FILIP1L: variants seen among roughly 807,000 people sequenced by gnomAD.
The protein encoded by FILIP1L is filamin A interacting protein 1 like.
A neutral mutation model predicts 96.6 loss-of-function variants in FILIP1L; 55 were observed. That is an observed-to-expected ratio of 0.57 (90% CI 0.46 to 0.71). The LOEUF (loss-of-function observed/expected upper bound fraction) is 0.71. FILIP1L is among the 30% of genes least tolerant of loss of function. The pLI is 0.00. For missense variants in FILIP1L, 1,304 were observed against 1,321.2 expected (o/e 0.99, Z 0.20); for synonymous variants, 467 against 473.9 (o/e 0.99, Z 0.19).
At chr3:99,971,575 C>G (rs1188609620) in intron 1 of FILIP1L, among the ~76,000 whole-genome samples, 1 of 152,154 alleles carries the variant, frequency 6.6e-6, no homozygotes, top group Non-Finnish European at 1.5e-5. Flanking sequence ...CCAAAATTCC[C>G]ACTTCCTCCA....
intron 1 of FILIP1L, among the ~76,000 whole-genome samples, chr3:99,957,593 G>T (rs924191475): frequency 1.3e-5 from 2 of 151,398 alleles, no homozygotes; most frequent in Non-Finnish European, 2.9e-5. Context: ...TCACCCTCTG[G>T]GGCCTCCTAT....
intron 1 of FILIP1L, among the ~76,000 whole-genome samples, chr3:100,003,603 G>C (rs1339119883): frequency 6.6e-6 from 1 of 152,130 alleles, no homozygotes; most frequent in Non-Finnish European, 1.5e-5. Context: ...ACTAAGTACA[G>C]TGTTTTTTCC....
At chr3:99,943,924 G>C (rs187317358) in intron 1 of FILIP1L, among the ~76,000 whole-genome samples, 1 of 152,254 alleles carries the variant, frequency 6.6e-6, no homozygotes, top group East Asian at 1.9e-4. Flanking sequence ...GTTTTATAGG[G>C]TTATTGGGAG....
chr3:99,922,156 C>T (rs532305525), intron 4 of FILIP1L, among the ~76,000 whole-genome samples: 10 of 152,258 alleles, frequency 6.6e-5, no homozygotes, highest in African/African-American at 2.2e-4. Flanking sequence ...ACACTCTGAC[C>T]GTGATCAGTA....
At chr3:99,833,670 A>C (rs1942779248) in intron 5 of FILIP1L, among the ~76,000 whole-genome samples, 1 of 152,246 alleles carries the variant, frequency 6.6e-6, no homozygotes. Context: ...GTTGTGTAAG[A>C]AAGCAGTGTT....
chr3:100,021,948 TGTGTGTGTGTGTGA>T (rs1394858090), intron 1 of FILIP1L, among the ~76,000 whole-genome samples: 22 of 129,654 alleles, frequency 1.7e-4, no homozygotes, highest in East Asian at 6.8e-4. Context: ...TGTGTGTGTG[TGTGTGTGTGTGTGA>T]GAGAGAGAGA....
chr3:99,945,479 G>A (rs1707981734), intron 1 of FILIP1L, among the ~76,000 whole-genome samples: 1 of 152,216 alleles, frequency 6.6e-6, no homozygotes, highest in South Asian at 2.1e-4. Flanking sequence ...TGTTGACTAA[G>A]GAGGGTGGCT....
At chr3:99,954,684 A>G (rs1282907144) in intron 1 of FILIP1L, among the ~76,000 whole-genome samples, 3 of 151,920 alleles carry the variant, frequency 2.0e-5, no homozygotes, top group Admixed American at 1.3e-4. Flanking sequence ...AAATTAGCCA[A>G]GCATGGTGGT....
intron 1 of FILIP1L, among the ~76,000 whole-genome samples, chr3:100,112,485 G>A (rs572500233): frequency 1.3e-5 from 2 of 152,242 alleles, no homozygotes; most frequent in South Asian, 4.2e-4. Flanking sequence ...CTAAGACCAA[G>A]TCTTGACTAA....
intron 1 of FILIP1L, among the ~76,000 whole-genome samples, chr3:100,026,757 G>A (rs997614502): frequency 2.0e-4 from 31 of 152,140 alleles, no homozygotes; most frequent in Admixed American, 1.4e-3. Context: ...AACCACCACC[G>A]TCTCTCTCCA....
chr3:100,037,452 A>T (rs185293125), intron 1 of FILIP1L, among the ~76,000 whole-genome samples: 1 of 149,764 alleles, frequency 6.7e-6, no homozygotes, highest in Non-Finnish European at 1.5e-5. Flanking sequence ...AAGCAAACAG[A>T]CACACACACA....
chr3:100,046,487 G>C (rs1458115488), intron 1 of FILIP1L, among the ~76,000 whole-genome samples: 1 of 151,070 alleles, frequency 6.6e-6, no homozygotes, highest in Non-Finnish European at 1.5e-5. Context: ...TTTATCTCTA[G>C]AGCTTGTTGT....
chr3:99,996,269 C>A (rs1421608925), intron 1 of FILIP1L, among the ~76,000 whole-genome samples: 1 of 152,170 alleles, frequency 6.6e-6, no homozygotes, highest in Non-Finnish European at 1.5e-5. Context: ...AATCTCTTTG[C>A]TAAAACATAA....
chr3:99,975,964 A>C (rs1708957746), intron 1 of FILIP1L, among the ~76,000 whole-genome samples: 1 of 152,186 alleles, frequency 6.6e-6, no homozygotes, highest in African/African-American at 2.4e-5. Flanking sequence ...GGCTCACTGC[A>C]ACCTCCGCCT....
chr3:99,830,877 T>C (rs1307433110), intron 5 of FILIP1L, among the ~76,000 whole-genome samples: 1 of 152,198 alleles, frequency 6.6e-6, no homozygotes, highest in Admixed American at 6.5e-5. Context: ...TAGTAGGACA[T>C]ATACAAGAGT....
chr3:100,087,736 T>C (rs1200593983), intron 1 of FILIP1L, among the ~76,000 whole-genome samples: 1 of 152,066 alleles, frequency 6.6e-6, no homozygotes, highest in Non-Finnish European at 1.5e-5. Context: ...AGAAGACCAA[T>C]TGATCAGTGT....
intron 4 of FILIP1L, among the ~76,000 whole-genome samples, chr3:99,923,150 C>T (rs925680109): frequency 1.3e-5 from 2 of 151,764 alleles, no homozygotes; most frequent in Non-Finnish European, 2.9e-5. Flanking sequence ...ACTGCCAAGC[C>T]TTGATGTATT....
At chr3:99,872,079 A>C in intron 4 of FILIP1L, among the ~76,000 whole-genome samples, 1 of 152,068 alleles carries the variant, frequency 6.6e-6, no homozygotes, top group African/African-American at 2.4e-5. Context: ...CCTAGCACTA[A>C]TTAAGGAAAA....
At chr3:99,866,041 T>G (rs932975596) in intron 4 of FILIP1L, among the ~76,000 whole-genome samples, 1 of 152,134 alleles carries the variant, frequency 6.6e-6, no homozygotes, top group African/African-American at 2.4e-5. Context: ...ATTCCTTCTC[T>G]TAACCTCTAC....
Sources: allele counts gnomAD v4.1 joint callset (sites outside exome capture counted in the v4.1 genomes callset), GRCh38; gene constraint gnomAD v4.1.1; transcripts MANE v1.5; gene names NCBI Gene and HGNC (gene_info 2026-07-23, HGNC 2026-07-21).